The following TNKS variants were observed in gnomAD, a reference collection of about 807,000 sequenced individuals.
The protein encoded by TNKS is tankyrase, also known as poly [ADP-ribose] polymerase tankyrase-1.
TNKS carries 72 observed loss-of-function variants against 135.8 expected under a neutral mutation model. That is an observed-to-expected ratio of 0.53 (90% CI 0.44 to 0.64). The LOEUF (loss-of-function observed/expected upper bound fraction) is 0.64, where lower values mean the gene tolerates loss of function less well. Ranked by LOEUF, TNKS falls within the 30% of genes least tolerant of loss-of-function variation. The probability of loss-of-function intolerance (pLI) is 0.00; values close to 1 mark genes in which losing one functional copy is unlikely to be tolerated. For synonymous variants in TNKS, 849 were observed against 649.3 expected (o/e 1.31, Z -4.68); for missense variants, 1,769 against 1,674.0 (o/e 1.06, Z -0.99).
intron 3 of TNKS, among the ~76,000 whole-genome samples, chr8:9,639,830 C>G (rs913230196): frequency 1.3e-5 from 2 of 152,128 alleles, no homozygotes; most frequent in African/African-American, 4.8e-5. Flanking sequence ...CTCTATTAGA[C>G]TCTTTCATTC....
chr8:9,713,759 G>C lies in TNKS; in HGVS notation c.1749+3539G>C, dbSNP rs73531236. Among the ~76,000 whole-genome samples, 449 of 152,318 alleles carry C rather than the reference G, an allele frequency of 2.9e-3. 2 individuals are homozygous for C. Among genetic ancestry groups the C allele is most frequent in the African/African-American group, 9.9e-3 (412 of 41,580 alleles). Reference sequence around the variant, plus strand: ...TTACCCCATCCCAAGGCAGGATGCTGTTCCTCATGGTTGGTGTATCTGGTG... The same window carrying C: ...TTACCCCATCCCAAGGCAGGATGCTCTTCCTCATGGTTGGTGTATCTGGTG... On this transcript the variant is annotated intron_variant, in intron 11 of 26. Transcript: ENST00000310430.
At chr8:9,630,549 T>C (rs1298614009) in intron 3 of TNKS, among the ~76,000 whole-genome samples, 1 of 152,144 alleles carries the variant, frequency 6.6e-6, no homozygotes, top group Non-Finnish European at 1.5e-5. Flanking sequence ...AATAATTAGA[T>C]AGTTACAAAA....
intron 12 of TNKS, 133 bp downstream of exon 12, chr8:9,720,678 C>A: frequency 2.0e-6 from 2 of 1,004,624 alleles, no homozygotes; most frequent in Non-Finnish European, 2.8e-6. Context: ...AGCCTGTGGA[C>A]TTCCCCATCT....
chr8:9,635,405 A>T lies in TNKS; in HGVS notation c.994+19728A>T, dbSNP rs528164595. On this transcript the variant is annotated intron_variant, in intron 3 of 26. Coordinates refer to ENST00000310430, the MANE Select transcript of TNKS (RefSeq NM_003747.3). The stretch of plus-strand genomic sequence containing the variant: ...ACTTTCTTACTGTAGAATGCCTACT[A>T]ATCAATGTGGAGGGACTGTTGGAAT... Among the ~76,000 whole-genome samples the T allele has an allele frequency of 1.4e-3, 212 of 152,292 alleles. 1 individual carries two copies. The highest frequency in any genetic ancestry group is 5.0e-3 in the African/African-American group (209 of 41,560).
chr8:9,597,706 C>T (rs149022660), intron 2 of TNKS, among the ~76,000 whole-genome samples: 2 of 152,220 alleles, frequency 1.3e-5, no homozygotes, highest in East Asian at 3.9e-4. Context: ...GCAGATTACT[C>T]ATGAGTAAGC....
intron 3 of TNKS, among the ~76,000 whole-genome samples, chr8:9,628,425 G>T (rs566751603): frequency 1.3e-5 from 2 of 151,714 alleles, no homozygotes; most frequent in Non-Finnish European, 2.9e-5. Flanking sequence ...CCACTTTCTC[G>T]TGGAGCCTCT....
chr8:9,561,570 A>G (rs1797332338), intron 1 of TNKS, among the ~76,000 whole-genome samples: 1 of 152,288 alleles, frequency 6.6e-6, no homozygotes, highest in African/African-American at 2.4e-5. Context: ...ATTTCATTAT[A>G]TGAATATGCT....
chr8:9,586,757 G>GTGTGTGTGTA (rs1798396160), intron 2 of TNKS, among the ~76,000 whole-genome samples: 1 of 147,124 alleles, frequency 6.8e-6, no homozygotes, highest in Non-Finnish European at 1.5e-5. Flanking sequence ...GTGTGTGTGT[G>GTGTGTGTGTA]TGTGTATGAA....
At chr8:9,564,620 T>C (rs564524242) in intron 1 of TNKS, among the ~76,000 whole-genome samples, 6 of 152,328 alleles carry the variant, frequency 3.9e-5, no homozygotes, top group African/African-American at 1.4e-4. Context: ...GTAGATAAAA[T>C]TGAAGGCAGT....
At chr8:9,586,484 C>G (rs183752852) in intron 2 of TNKS, among the ~76,000 whole-genome samples, 1 of 151,926 alleles carries the variant, frequency 6.6e-6, no homozygotes, top group South Asian at 2.1e-4. Flanking sequence ...TATGATTCTG[C>G]TGAGAGAGAG....
chr8:9,585,334 T>A (rs766402199), intron 2 of TNKS, among the ~76,000 whole-genome samples: 8 of 151,952 alleles, frequency 5.3e-5, no homozygotes, highest in African/African-American at 1.9e-4. Context: ...ACACGTGATA[T>A]GAGTTTCAGA....
intron 5 of TNKS, among the ~76,000 whole-genome samples, chr8:9,701,172 C>T (rs1364924946): frequency 6.6e-5 from 10 of 152,116 alleles, no homozygotes; most frequent in African/African-American, 9.6e-5. Flanking sequence ...CTCCTGACTT[C>T]GTGATCCGCC....
chr8:9,613,423 A>G (rs1479550073), intron 2 of TNKS, among the ~76,000 whole-genome samples: 1 of 152,096 alleles, frequency 6.6e-6, no homozygotes, highest in Non-Finnish European at 1.5e-5. Context: ...ATAAGTTTAG[A>G]CCCCTGCTGA....
chr8:9,657,591 C>T (rs1459030772), intron 3 of TNKS, among the ~76,000 whole-genome samples: 11 of 84,654 alleles, frequency 1.3e-4, no homozygotes, highest in Admixed American at 2.0e-4. Flanking sequence ...GGCGGCTGGC[C>T]GGGCGGAGGG....
At chr8:9,714,359 T>C (rs1471776447) in intron 11 of TNKS, among the ~76,000 whole-genome samples, 3 of 151,940 alleles carry the variant, frequency 2.0e-5, no homozygotes, top group African/African-American at 7.2e-5. Context: ...AATGAGCATA[T>C]GTATATAAAT....
At chr8:9,672,676 ACACATAC>A (rs1802338147) in intron 3 of TNKS, among the ~76,000 whole-genome samples, 2 of 114,432 alleles carry the variant, frequency 1.7e-5, no homozygotes, top group Non-Finnish European at 3.7e-5. Context: ...AAAAAAAAAA[ACACATAC>A]ACACACACAC....
At chr8:9,725,154 A>G (rs1805099023) in intron 12 of TNKS, among the ~76,000 whole-genome samples, 3 of 152,176 alleles carry the variant, frequency 2.0e-5, no homozygotes, top group Admixed American at 2.0e-4. Flanking sequence ...GACTAATGAG[A>G]CAATGAAAGA....
intron 13 of TNKS, 31 bp downstream of exon 13, chr8:9,726,751 CACTGTTGA>C (rs1434058839): frequency 6.5e-7 from 1 of 1,532,650 alleles, no homozygotes; most frequent in South Asian, 1.2e-5. Flanking sequence ...TCTGGAATAG[CACTGTTGA>C]ACTTTGCTAA....
At chr8:9,761,125 C>T (rs910010052) in intron 20 of TNKS, among the ~76,000 whole-genome samples, 9 of 152,148 alleles carry the variant, frequency 5.9e-5, no homozygotes, top group African/African-American at 1.7e-4. Context: ...TTTCCCCCAC[C>T]GTTCATTTCT....
Sources: gnomAD v4.1 joint callset for allele counts (sites outside exome capture counted in the v4.1 genomes callset) on GRCh38, gnomAD v4.1.1 for gene constraint, MANE v1.5 for transcripts, NCBI Gene and HGNC (gene_info 2026-07-23, HGNC 2026-07-21) for gene names.